The following RNF38 variants were observed in gnomAD, a reference collection of about 807,000 sequenced individuals.
RNF38 encodes E3 ubiquitin-protein ligase RNF38.
In RNF38, 15 loss-of-function variants were observed where a neutral mutation model predicts 67.2. The observed-to-expected ratio is 0.22, with a 90% CI of 0.15 to 0.34. The LOEUF is 0.34. RNF38 is among the 10% of genes least tolerant of loss of function. The pLI is 1.00. For synonymous variants in RNF38, 220 were observed against 218.8 expected (o/e 1.01, Z -0.05); for missense variants, 524 against 639.9 (o/e 0.82, Z 1.95).
At chr9:36,439,981 C>G (rs369253612) in intron 1 of RNF38, among the ~76,000 whole-genome samples, 67 of 152,288 alleles carry the variant, frequency 4.4e-4, no homozygotes, top group African/African-American at 1.3e-3. Flanking sequence ...CACTGTGGCT[C>G]ATGCCTGTAA....
chr9:36,461,337 G>A (rs1028100444), intron 1 of RNF38, among the ~76,000 whole-genome samples: 1 of 152,218 alleles, frequency 6.6e-6, no homozygotes, highest in East Asian at 1.9e-4. Context: ...TGACAGAGCA[G>A]AGAGGTAAAA....
intron 2 of RNF38, among the ~76,000 whole-genome samples, chr9:36,379,838 A>G (rs1564024506): frequency 6.6e-6 from 1 of 152,228 alleles, no homozygotes; most frequent in Non-Finnish European, 1.5e-5. Context: ...CATTATATAA[A>G]AGACAATCAG....
intron 4 of RNF38, among the ~76,000 whole-genome samples, chr9:36,359,574 AG>A (rs2133611999): frequency 6.6e-6 from 1 of 152,250 alleles, no homozygotes; most frequent in East Asian, 1.9e-4. Flanking sequence ...TGGAAGAGTT[AG>A]CATCTGGTAA....
chr9:36,455,497 A>G (rs1839566136), intron 1 of RNF38, among the ~76,000 whole-genome samples: 1 of 151,484 alleles, frequency 6.6e-6, no homozygotes. Context: ...AAGTGCACTC[A>G]TTTAGCTGGA....
At chr9:36,374,604 C>G (rs1410881801) in intron 3 of RNF38, among the ~76,000 whole-genome samples, 2 of 152,154 alleles carry the variant, frequency 1.3e-5, no homozygotes, top group African/African-American at 4.8e-5. Context: ...ATTCGCCCGT[C>G]TCAGCCTCCC....
At chr9:36,344,778 T>C (rs202047591) in intron 10 of RNF38, 54 bp downstream of exon 10, 3 of 1,566,218 alleles carry the variant, frequency 1.9e-6, no homozygotes, top group Non-Finnish European at 2.6e-6. Flanking sequence ...TAAGCTTTTA[T>C]TTCATAAAGG....
intron 1 of RNF38, among the ~76,000 whole-genome samples, chr9:36,429,077 T>A (rs1209969632): frequency 6.6e-6 from 1 of 152,240 alleles, no homozygotes; most frequent in Admixed American, 6.5e-5. Flanking sequence ...TTCATGAATT[T>A]TACTTTAACC....
upstream of RNF38, chr9:36,400,927 C>T (rs1248929021): frequency 1.3e-5 from 13 of 985,188 alleles, no homozygotes; most frequent in Non-Finnish European, 1.6e-5. Context: ...CCGCCGCACC[C>T]CGCCTCACCC....
intron 2 of RNF38, among the ~76,000 whole-genome samples, chr9:36,407,763 T>A (rs747742506): frequency 3.3e-5 from 5 of 152,182 alleles, no homozygotes; most frequent in Non-Finnish European, 7.4e-5. Context: ...GGCAATCATA[T>A]TCTGGCACTA....
At chr9:36,355,148 T>C (rs1049909816) in intron 6 of RNF38, among the ~76,000 whole-genome samples, 9 of 152,240 alleles carry the variant, frequency 5.9e-5, no homozygotes, top group African/African-American at 2.2e-4. Flanking sequence ...TAATTGCTTC[T>C]ACAGTTTTCA....
intron 1 of RNF38, among the ~76,000 whole-genome samples, chr9:36,432,506 A>G (rs1023709896): frequency 6.6e-6 from 1 of 151,906 alleles, no homozygotes; most frequent in African/African-American, 2.4e-5. Context: ...AAGAAATACT[A>G]TTGGCCAGGC....
chr9:36,410,870 G>A (rs1838305034), intron 2 of RNF38, among the ~76,000 whole-genome samples: 1 of 152,096 alleles, frequency 6.6e-6, no homozygotes, highest in South Asian at 2.1e-4. Context: ...GTTTCCCAGG[G>A]GCTGGAGGAG....
At chr9:36,390,684 A>G in intron 1 of RNF38, 68 bp from the exon 2 acceptor site, 1 of 1,481,040 alleles carries the variant, frequency 6.8e-7, no homozygotes, top group Non-Finnish European at 9.2e-7. Flanking sequence ...CACGCCTATG[A>G]AGGATAGTCT....
chr9:36,400,705 G>C (rs868165109), upstream of RNF38: 1 of 985,730 alleles, frequency 1.0e-6, no homozygotes, highest in Non-Finnish European at 1.2e-6. Flanking sequence ...CTCCAACTTA[G>C]GCACTGTCAC....
chr9:36,425,649 A>G (rs1838749710), intron 1 of RNF38, among the ~76,000 whole-genome samples: 2 of 152,210 alleles, frequency 1.3e-5, no homozygotes, highest in Non-Finnish European at 1.5e-5. Flanking sequence ...GAGCCAACCA[A>G]GATCATGCCA....
At chr9:36,408,266 A>T (rs1037028154) in intron 2 of RNF38, among the ~76,000 whole-genome samples, 3 of 134,720 alleles carry the variant, frequency 2.2e-5, no homozygotes, top group South Asian at 2.4e-4. Context: ...AACAGACTTA[A>T]TTTTTTTTTT....
rs903562744 is a variant in RNF38 at position 36,400,182 on chromosome 9, T to C, written c.-74A>G. ...AACACTCCCGTTTCAAAAACCAACC[T>C]CTCTCACGCTTCAACCCTGAAAGGA... On this transcript the variant is annotated 5_prime_UTR_variant, in exon 1 of 12. Transcript: ENST00000259605. 1.9e-6 allele frequency: 3 copies of C among 1,587,176 alleles called. No homozygotes were observed. Among genetic ancestry groups the C allele is most frequent in the Non-Finnish European group, 2.6e-6 (3 of 1,167,518 alleles).
At chr9:36,449,444 C>A (rs912294184) in intron 1 of RNF38, among the ~76,000 whole-genome samples, 1 of 149,522 alleles carries the variant, frequency 6.7e-6, no homozygotes, top group Non-Finnish European at 1.5e-5. Flanking sequence ...CTTTTTTTTC[C>A]TTTTTTTTTG....
intron 2 of RNF38, among the ~76,000 whole-genome samples, chr9:36,382,452 G>T (rs1455837871): frequency 6.6e-6 from 1 of 152,110 alleles, no homozygotes; most frequent in African/African-American, 2.4e-5. Flanking sequence ...CCTGAGGCAG[G>T]CATAAGAATG....
Sources: gnomAD v4.1 joint callset for allele counts (sites outside exome capture counted in the v4.1 genomes callset) on GRCh38, gnomAD v4.1.1 for gene constraint, MANE v1.5 for transcripts, NCBI Gene and HGNC (gene_info 2026-07-23, HGNC 2026-07-21) for gene names.